Variants in SSBP2 observed in about 807,000 individuals in gnomAD.
The protein encoded by SSBP2 is single-stranded DNA-binding protein 2.
SSBP2 carries 17 observed loss-of-function variants against 61.8 expected under a neutral mutation model. The observed-to-expected ratio is 0.28, with a 90% CI of 0.19 to 0.41. The LOEUF is 0.41. Among genes scored for constraint, SSBP2 ranks in the 10% least tolerant of loss-of-function variants. The pLI is 1.00. For missense variants in SSBP2, 310 were observed against 458.7 expected (o/e 0.68, Z 2.96); for synonymous variants, 139 against 141.3 (o/e 0.98, Z 0.12).
At chr5:81,583,689 C>T (rs2973346) in intron 4 of SSBP2, among the ~76,000 whole-genome samples, 35,603 of 151,360 alleles carry the variant, frequency 0.24, 5,647 homozygotes, top group East Asian at 0.69. Context: ...TATGTCTTTC[C>T]ATTGTTGACC....
At chr5:81,671,006 A>T (rs1239163316) in intron 1 of SSBP2, among the ~76,000 whole-genome samples, 1 of 152,132 alleles carries the variant, frequency 6.6e-6, no homozygotes, top group African/African-American at 2.4e-5. Flanking sequence ...TCTCATTGCT[A>T]ATTTCAGCAA....
intron 16 of SSBP2, among the ~76,000 whole-genome samples, chr5:81,426,247 T>C (rs1245348650): frequency 6.6e-6 from 1 of 152,202 alleles, no homozygotes; most frequent in Non-Finnish European, 1.5e-5. Context: ...TATAGTAATA[T>C]GACAAAGAAA....
intron 2 of SSBP2, among the ~76,000 whole-genome samples, chr5:81,637,283 C>G (rs1406745377): frequency 1.3e-5 from 2 of 152,348 alleles, no homozygotes; most frequent in African/African-American, 2.4e-5. Flanking sequence ...GAGATTTCTC[C>G]TCCAATTTTT....
chr5:81,529,786 G>C (rs1310414884), intron 4 of SSBP2, among the ~76,000 whole-genome samples: 1 of 152,096 alleles, frequency 6.6e-6, no homozygotes, highest in African/African-American at 2.4e-5. Context: ...GGGGAAAGTA[G>C]AGTTGGATTC....
intron 4 of SSBP2, among the ~76,000 whole-genome samples, chr5:81,542,817 T>TTCTCTC (rs60252222): frequency 0.076 from 8,091 of 106,546 alleles, 364 homozygotes; most frequent in Non-Finnish European, 0.091. Context: ...ATTTGACAGT[T>TTCTCTC]TCTCTCTCTC....
intron 1 of SSBP2, among the ~76,000 whole-genome samples, chr5:81,662,647 C>T (rs1750794985): frequency 6.6e-6 from 1 of 151,242 alleles, no homozygotes; most frequent in African/African-American, 2.4e-5. Flanking sequence ...ACTAAGAATA[C>T]AAAAATTAGC....
intron 1 of SSBP2, among the ~76,000 whole-genome samples, chr5:81,667,322 C>T (rs1304524201): frequency 5.9e-5 from 9 of 151,454 alleles, no homozygotes; most frequent in Admixed American, 5.3e-4. Flanking sequence ...CACACACACA[C>T]ACACACACAC....
intron 14 of SSBP2, among the ~76,000 whole-genome samples, chr5:81,438,351 A>G (rs78121354): frequency 1.3e-5 from 2 of 149,198 alleles, no homozygotes; most frequent in African/African-American, 4.9e-5. Context: ...ACTGTCTCAA[A>G]AAAAAAAAAA....
At chr5:81,441,429 T>C (rs1449440304) in intron 13 of SSBP2, among the ~76,000 whole-genome samples, 1 of 152,232 alleles carries the variant, frequency 6.6e-6, no homozygotes, top group Non-Finnish European at 1.5e-5. Flanking sequence ...GTTACCATGA[T>C]ACCTTACACT....
intron 3 of SSBP2, among the ~76,000 whole-genome samples, chr5:81,630,503 G>A (rs1230064025): frequency 6.6e-6 from 1 of 152,148 alleles, no homozygotes; most frequent in Non-Finnish European, 1.5e-5. Flanking sequence ...GAGTATGTCA[G>A]TAGCTTTAGG....
At chr5:81,592,674 G>A (rs1189991007) in intron 4 of SSBP2, among the ~76,000 whole-genome samples, 2 of 152,172 alleles carry the variant, frequency 1.3e-5, no homozygotes, top group Admixed American at 1.3e-4. Context: ...AGCAGCATTT[G>A]CGGTTCAACA....
At chr5:81,486,737 T>G (rs1766413851) in intron 6 of SSBP2, among the ~76,000 whole-genome samples, 1 of 152,218 alleles carries the variant, frequency 6.6e-6, no homozygotes, top group South Asian at 2.1e-4. Flanking sequence ...TTGGCATCTG[T>G]GCACTTCTCT....
chr5:81,447,372 G>A (rs1228172232), intron 11 of SSBP2, among the ~76,000 whole-genome samples: 1 of 152,034 alleles, frequency 6.6e-6, no homozygotes, highest in Non-Finnish European at 1.5e-5. Flanking sequence ...TCTTTCTTCT[G>A]TCAGCATCAA....
At chr5:81,514,085 A>G (rs1768822344) in intron 4 of SSBP2, among the ~76,000 whole-genome samples, 1 of 152,202 alleles carries the variant, frequency 6.6e-6, no homozygotes, top group African/African-American at 2.4e-5. Context: ...TAAATAGGTA[A>G]AAAGTTTGAA....
At chr5:81,433,482 C>T (rs1762467334) in intron 15 of SSBP2, among the ~76,000 whole-genome samples, 2 of 151,686 alleles carry the variant, frequency 1.3e-5, no homozygotes, top group Non-Finnish European at 2.9e-5. Context: ...CCTAGGAAAA[C>T]CAGAGACCTT....
intron 9 of SSBP2, among the ~76,000 whole-genome samples, chr5:81,463,758 C>CTTTT (rs938398439): frequency 1.4e-4 from 13 of 96,288 alleles, no homozygotes; most frequent in African/African-American, 2.9e-4. Flanking sequence ...GAAAAATCCT[C>CTTTT]TTTTTTTTTT....
At chr5:81,666,828 G>T (rs981732325) in intron 1 of SSBP2, among the ~76,000 whole-genome samples, 1 of 152,102 alleles carries the variant, frequency 6.6e-6, no homozygotes, top group African/African-American at 2.4e-5. Flanking sequence ...CTTTCTGTCT[G>T]TGTTATCCTC....
intron 9 of SSBP2, among the ~76,000 whole-genome samples, chr5:81,464,368 T>C (rs772582064): frequency 6.6e-6 from 1 of 152,194 alleles, no homozygotes; most frequent in African/African-American, 2.4e-5. Flanking sequence ...CCATAACTTA[T>C]AAATGCTACT....
chr5:81,587,761 G>GCACACACA lies in SSBP2; in HGVS notation c.282+27711_282+27712insTGTGTGTG, dbSNP rs749896266. 1.5e-4 allele frequency among the ~76,000 whole-genome samples: 19 copies of GCACACACA among 129,476 alleles called. 1 individual carries two copies. Among genetic ancestry groups the GCACACACA allele is most frequent in the African/African-American group, 4.6e-4 (18 of 38,774 alleles). The allele number at this position is 129,476 out of a possible 152,430, so 84.9% of individuals were successfully genotyped here. A position where few individuals can be genotyped will look rare whatever the true frequency, so the allele number is the denominator to read the frequency against. On this transcript the variant is annotated intron_variant, in intron 4 of 16. Transcript: ENST00000320672. ...TACACACACACGCACACACACGCGC[G>GCACACACA]CGCACACACACACACACACACACTA...
Sources: allele counts gnomAD v4.1 joint callset (sites outside exome capture counted in the v4.1 genomes callset), GRCh38; gene constraint gnomAD v4.1.1; transcripts MANE v1.5; gene names NCBI Gene and HGNC (gene_info 2026-07-23, HGNC 2026-07-21).